Variants in DEPTOR observed in about 807,000 individuals in gnomAD.
DEPTOR encodes DEP domain containing MTOR interacting protein, also known as DEP domain-containing mTOR-interacting protein.
A neutral mutation model predicts 41.6 loss-of-function variants in DEPTOR; 41 were observed. The observed-to-expected ratio is 0.98, with a 90% confidence interval of 0.77 to 1.28. The LOEUF (loss-of-function observed/expected upper bound fraction) is 1.28. Among genes scored for constraint, DEPTOR ranks in the 50% most tolerant of loss-of-function variants. The probability of loss-of-function intolerance (pLI) is 0.00; values close to 1 mark genes in which losing one functional copy is unlikely to be tolerated. For missense variants in DEPTOR, 514 were observed against 527.9 expected (o/e 0.97, Z 0.26); for synonymous variants, 195 against 192.3 (o/e 1.01, Z -0.12).
chr8:120,044,079 A>G (rs1199347854), intron 8 of DEPTOR, among the ~76,000 whole-genome samples: 2 of 151,932 alleles, frequency 1.3e-5, no homozygotes, highest in Non-Finnish European at 2.9e-5. Context: ...AACAAAAAAA[A>G]AAAAGAAAAA....
intron 3 of DEPTOR, among the ~76,000 whole-genome samples, chr8:119,932,833 A>G (rs1474831494): frequency 6.6e-6 from 1 of 152,214 alleles, no homozygotes; most frequent in East Asian, 1.9e-4. Flanking sequence ...ACATTTGAAT[A>G]AAGGAAGCCT....
rs147141148 is a variant in DEPTOR at position 119,999,192 on chromosome 8, C to G, written c.605-2333C>G. Among the ~76,000 whole-genome samples the G allele has an allele frequency of 5.5e-3, 840 of 151,708 alleles. 6 individuals are homozygous for G. The highest frequency in any genetic ancestry group is 0.02 in the African/African-American group (816 of 41,378). On this transcript the variant is annotated intron_variant, in intron 4 of 8. Coordinates refer to ENST00000286234, the MANE Select transcript of DEPTOR (RefSeq NM_022783.4). ...CCTGAGGCAGGAGAATCGCTTGAACCCGAGACTCGGTGGAGGTTGCGGTGA... is the reference window on the plus strand; with the variant it reads ...CCTGAGGCAGGAGAATCGCTTGAACGCGAGACTCGGTGGAGGTTGCGGTGA...
chr8:119,987,282 G>T (rs989560607), intron 4 of DEPTOR, among the ~76,000 whole-genome samples: 3 of 152,144 alleles, frequency 2.0e-5, no homozygotes, highest in Non-Finnish European at 4.4e-5. Flanking sequence ...TTCTAAGTCA[G>T]ACCCCTTTGC....
chr8:119,904,764 G>T (rs1827640489), intron 1 of DEPTOR, among the ~76,000 whole-genome samples: 1 of 151,956 alleles, frequency 6.6e-6, no homozygotes, highest in African/African-American at 2.4e-5. Context: ...CCAAAGTGCT[G>T]GGATTACAGG....
intron 8 of DEPTOR, 99 bp from the exon 9 acceptor site, chr8:120,049,477 G>T (rs1813199265): frequency 7.3e-7 from 1 of 1,367,428 alleles, no homozygotes; most frequent in Non-Finnish European, 9.7e-7. Flanking sequence ...GATATTTTAA[G>T]AATGAAGTTA....
chr8:119,986,529 A>G (rs1828832740), intron 4 of DEPTOR, among the ~76,000 whole-genome samples: 1 of 151,954 alleles, frequency 6.6e-6, no homozygotes, highest in Non-Finnish European at 1.5e-5. Context: ...CTCGAGGAGT[A>G]TCTTCGTTGT....
At chr8:119,908,444 T>A (rs74824975) in intron 1 of DEPTOR, among the ~76,000 whole-genome samples, 1,803 of 151,616 alleles carry the variant, frequency 0.012, 38 homozygotes, top group African/African-American at 0.037. Flanking sequence ...AAAAAAAAAA[T>A]TTTTTTTAAC....
At chr8:119,915,919 T>G (rs1021580024) in intron 1 of DEPTOR, among the ~76,000 whole-genome samples, 18 of 150,462 alleles carry the variant, frequency 1.2e-4, no homozygotes, top group Admixed American at 6.7e-4. Flanking sequence ...CCAATCAATT[T>G]TTCCTTGATT....
At chr8:119,897,358 C>T in intron 1 of DEPTOR, among the ~76,000 whole-genome samples, 1 of 152,208 alleles carries the variant, frequency 6.6e-6, no homozygotes. Flanking sequence ...CATGGTGAAA[C>T]CCTGTCTCTA....
At position 119,929,827 on chromosome 8, in the gene DEPTOR, A is replaced by G. The variant is rs1472964204; in HGVS notation, c.314A>G (p.His105Arg). ...TATTGTGTTTCAGTGTGTGATGAGC[A>G]TAAGGAATTCAAGGATGTCAAACTC... is the stretch of plus-strand genomic sequence containing the variant. ...RGIIHHVCDE[H>R]KEFKDVKLFY... Residue 105 changes from histidine (H) to arginine (R), a missense_variant, in exon 3 of 9, where the codon CAT (histidine) becomes CGT (arginine). By Grantham distance (29) the His-to-Arg change is conservative (BLOSUM62 0). Transcript: ENST00000286234. 4.3e-6 allele frequency: 7 copies of G among 1,612,972 alleles called. No individual in the cohort carries two copies. The highest frequency in any genetic ancestry group is 1.7e-5 in the Admixed American group (1 of 59,964).
rs559959995 is a variant in DEPTOR at position 120,036,357 on chromosome 8, G to C, written c.1102-13219G>C. ...GGTCAATTGCACAGTCTGTTCTTTG[G>C]GGGCACCGCATAGCCCTATAGCATG... On this transcript the variant is annotated intron_variant, in intron 8 of 8. Transcript: ENST00000286234. Among the ~76,000 whole-genome samples, 5 of 152,224 alleles carry C rather than the reference G, an allele frequency of 3.3e-5. No individual in the cohort carries two copies. In the East Asian group the frequency reaches 9.7e-4, roughly 29 times the overall value.
intron 1 of DEPTOR, chr8:119,874,214 C>T: frequency 1.8e-6 from 1 of 549,630 alleles, no homozygotes; most frequent in Non-Finnish European, 3.1e-6. Flanking sequence ...GCGCTGCGCC[C>T]TAGCCTGGCT....
intron 3 of DEPTOR, among the ~76,000 whole-genome samples, chr8:119,961,280 G>T (rs1004043495): frequency 6.6e-6 from 1 of 151,930 alleles, no homozygotes. Context: ...GCCAGGTGTG[G>T]TGGTGCATGC....
At chr8:119,946,992 C>T (rs757099397) in intron 3 of DEPTOR, among the ~76,000 whole-genome samples, 1 of 152,102 alleles carries the variant, frequency 6.6e-6, no homozygotes, top group African/African-American at 2.4e-5. Flanking sequence ...CTCTGAGGGG[C>T]GTGTGTGTAT....
At chr8:119,952,532 G>A (rs1828367347) in intron 3 of DEPTOR, among the ~76,000 whole-genome samples, 2 of 152,182 alleles carry the variant, frequency 1.3e-5, no homozygotes, top group Non-Finnish European at 2.9e-5. Context: ...AGTGTGCCAT[G>A]GTGGTTTGCT....
chr8:119,905,294 A>G (rs72673617), intron 1 of DEPTOR, among the ~76,000 whole-genome samples: 7,535 of 152,214 alleles, frequency 0.05, 296 homozygotes, highest in South Asian at 0.17. Flanking sequence ...AATTTCTGCA[A>G]TAGAAGGATG....
intron 5 of DEPTOR, among the ~76,000 whole-genome samples, 169 bp from the exon 6 acceptor site, chr8:120,002,808 A>ATATG (rs1812373550): frequency 7.2e-6 from 1 of 138,052 alleles, no homozygotes; most frequent in African/African-American, 2.7e-5. Flanking sequence ...ATATATATAT[A>ATATG]TATAATATAA....
intron 1 of DEPTOR, among the ~76,000 whole-genome samples, chr8:119,899,057 G>A (rs6469866): frequency 1.3e-5 from 2 of 151,984 alleles, no homozygotes; most frequent in Non-Finnish European, 1.5e-5. Flanking sequence ...TTCTCCCATC[G>A]CTTTTGGTGA....
chr8:119,971,006 G>A (rs55983347), intron 4 of DEPTOR, among the ~76,000 whole-genome samples: 2,087 of 152,188 alleles, frequency 0.014, 32 homozygotes, highest in African/African-American at 0.037. Flanking sequence ...CAAGGCGGGC[G>A]GATCACAAGG....
Sources: gnomAD v4.1 joint callset for allele counts (sites outside exome capture counted in the v4.1 genomes callset) on GRCh38, gnomAD v4.1.1 for gene constraint, MANE v1.5 for transcripts, NCBI Gene and HGNC (gene_info 2026-07-23, HGNC 2026-07-21) for gene names.